Variants in NAV3 observed in about 807,000 individuals in gnomAD.
NAV3 encodes neuron navigator 3, also known as pore membrane and/or filament interacting like protein 1.
NAV3 carries 87 observed loss-of-function variants against 244.7 expected under a neutral mutation model. That is an observed-to-expected ratio of 0.36 (90% CI 0.30 to 0.42). NAV3 has a LOEUF of 0.42. Ranked by LOEUF, NAV3 falls within the 20% of genes least tolerant of loss-of-function variation. The pLI is 1.00. For synonymous variants in NAV3, 1,126 were observed against 1,042.2 expected (o/e 1.08, Z -1.55); for missense variants, 2,663 against 2,893.3 (o/e 0.92, Z 1.83).
chr12:78,134,762 A>G (rs925270778), intron 18 of NAV3, among the ~76,000 whole-genome samples: 9 of 152,174 alleles, frequency 5.9e-5, no homozygotes, highest in Admixed American at 6.5e-5. Flanking sequence ...TCACAATAAT[A>G]GTATTTAATA....
chr12:77,996,747 A>G (rs751145195), intron 6 of NAV3, among the ~76,000 whole-genome samples: 6 of 152,196 alleles, frequency 3.9e-5, no homozygotes, highest in Admixed American at 6.6e-5. Context: ...ATCGGATACT[A>G]ATATGAGAGA....
intron 2 of NAV3, among the ~76,000 whole-genome samples, chr12:77,659,851 A>AT (rs1318970152): frequency 2.0e-5 from 3 of 152,072 alleles, no homozygotes. Flanking sequence ...TCAGTAAACT[A>AT]TCGCAAGGAC....
At chr12:78,134,220 C>A (rs182537457) in intron 18 of NAV3, among the ~76,000 whole-genome samples, 90 of 152,278 alleles carry the variant, frequency 5.9e-4, no homozygotes, top group Non-Finnish European at 7.2e-4. Context: ...AACCTTCAAT[C>A]TTCTCAGAAT....
intron 12 of NAV3, among the ~76,000 whole-genome samples, chr12:78,063,123 GC>G (rs1884543977): frequency 6.6e-6 from 1 of 152,020 alleles, no homozygotes; most frequent in African/African-American, 2.4e-5. Flanking sequence ...CATTAAAAAG[GC>G]CCCAAAGGAA....
At chr12:78,024,186 G>A (rs1008553918) in intron 9 of NAV3, among the ~76,000 whole-genome samples, 2 of 152,080 alleles carry the variant, frequency 1.3e-5, no homozygotes, top group African/African-American at 4.8e-5. Flanking sequence ...ATGAGTGAAT[G>A]TATTTTTATT....
rs1418205857 is a variant in NAV3, at chr12:78,180,959, C to T, written c.5606C>T (p.Ser1869Phe). 2 of 1,613,176 alleles carry T rather than the reference C, an allele frequency of 1.2e-6. No homozygotes were observed. Among genetic ancestry groups the T allele is most frequent in the Non-Finnish European group, 1.7e-6 (2 of 1,179,506 alleles). Reference sequence around the variant, plus strand: ...AAGCCTACTCGGCCACCGTCAGAATCCTCAAGCAGCACCTCCTCTTCATCT... The same window carrying T: ...AAGCCTACTCGGCCACCGTCAGAATTCTCAAGCAGCACCTCCTCTTCATCT... ...TAKPTRPPSE[S>F]SSSTSSSSSR... The change falls in exon 30 of 40, where the codon TCC becomes TTC. Residue 1869 changes from serine to phenylalanine, a missense_variant. Ser to Phe is a radical substitution (Grantham distance 155). Transcript: ENST00000397909.
intron 2 of NAV3, among the ~76,000 whole-genome samples, chr12:77,817,140 T>C (rs79090845): frequency 0.015 from 2,263 of 152,296 alleles, 59 homozygotes; most frequent in African/African-American, 0.052. Flanking sequence ...GCATACACTT[T>C]GGTGATCACT....
chr12:77,589,118 A>G (rs1421300049), intron 2 of NAV3, among the ~76,000 whole-genome samples: 1 of 152,222 alleles, frequency 6.6e-6, no homozygotes, highest in African/African-American at 2.4e-5. Flanking sequence ...TACTCCAGGA[A>G]GGAAACATTT....
At chr12:77,748,590 G>A (rs1179442508) in intron 2 of NAV3, among the ~76,000 whole-genome samples, 2 of 152,146 alleles carry the variant, frequency 1.3e-5, no homozygotes, top group African/African-American at 4.8e-5. Flanking sequence ...ATTTGTGACA[G>A]CATAAATGAA....
At chr12:77,872,371 C>A (rs988463561) in intron 1 of NAV3, among the ~76,000 whole-genome samples, 1 of 152,104 alleles carries the variant, frequency 6.6e-6, no homozygotes, top group Admixed American at 6.6e-5. Flanking sequence ...TGTCATCTAA[C>A]TCCACTTGAA....
chr12:78,045,592 C>T (rs1013847532), intron 9 of NAV3, among the ~76,000 whole-genome samples: 5 of 152,060 alleles, frequency 3.3e-5, no homozygotes, highest in Non-Finnish European at 7.4e-5. Context: ...TGCACCTGGC[C>T]AGTGGATAAG....
rs533749551 is a variant in NAV3, at chr12:78,038,938, T to C, written c.2024-11055T>C. Among the ~76,000 whole-genome samples, 5 of 152,280 alleles carry C rather than the reference T, an allele frequency of 3.3e-5. No individual in the cohort carries two copies. The East Asian group carries it at 9.6e-4, about 29-fold the overall frequency. On this transcript the variant is annotated intron_variant, in intron 9 of 39. Coordinates refer to ENST00000397909, the MANE Select transcript of NAV3 (RefSeq NM_001024383.2). ...TGGGTGTATATATGACATGTGCCTT[T>C]TTGTGCATAAATAACTTGAAGCATT...
intron 2 of NAV3, among the ~76,000 whole-genome samples, chr12:77,730,323 T>C (rs752416941): frequency 5.9e-5 from 9 of 151,570 alleles, no homozygotes; most frequent in Admixed American, 2.0e-4. Context: ...GAAAGATGAA[T>C]AGGATGAAAT....
chr12:77,897,873 T>C (rs1190372095), intron 1 of NAV3, among the ~76,000 whole-genome samples: 1 of 152,154 alleles, frequency 6.6e-6, no homozygotes, highest in East Asian at 1.9e-4. Context: ...TCTACTCTTG[T>C]TAAATGCAAC....
chr12:77,661,658 G>C (rs1873454874), intron 2 of NAV3, among the ~76,000 whole-genome samples: 1 of 151,900 alleles, frequency 6.6e-6, no homozygotes. Context: ...TATTTCTTCT[G>C]GATGTTTATA....
At chr12:77,993,132 C>T (rs895380726) in intron 5 of NAV3, among the ~76,000 whole-genome samples, 3 of 152,154 alleles carry the variant, frequency 2.0e-5, no homozygotes, top group Admixed American at 1.3e-4. Flanking sequence ...TTATCCAGTT[C>T]TGTGCTAAGA....
chr12:77,953,924 A>T (rs995511047), intron 3 of NAV3, among the ~76,000 whole-genome samples: 1 of 152,116 alleles, frequency 6.6e-6, no homozygotes, highest in African/African-American at 2.4e-5. Context: ...AACAATAGAA[A>T]TTTAACTTCT....
chr12:77,920,778 A>G (rs1392436431), intron 1 of NAV3, among the ~76,000 whole-genome samples: 2 of 152,182 alleles, frequency 1.3e-5, no homozygotes, highest in Non-Finnish European at 2.9e-5. Flanking sequence ...CATCCGAAAA[A>G]AAATTACTCT....
chr12:78,104,272 G>A (rs571978554), intron 12 of NAV3, among the ~76,000 whole-genome samples: 30 of 152,214 alleles, frequency 2.0e-4, no homozygotes, highest in African/African-American at 6.5e-4. Flanking sequence ...AGCATGACTC[G>A]AATACCTGCC....
Sources: allele counts gnomAD v4.1 joint callset (sites outside exome capture counted in the v4.1 genomes callset), GRCh38; gene constraint gnomAD v4.1.1; transcripts MANE v1.5; gene names NCBI Gene and HGNC (gene_info 2026-07-23, HGNC 2026-07-21).